SYNE2: variants seen among roughly 807,000 people sequenced by gnomAD.
The protein encoded by SYNE2 is spectrin repeat containing nuclear envelope protein 2.
A neutral mutation model predicts 856.3 loss-of-function variants in SYNE2; 431 were observed. That is an observed-to-expected ratio of 0.50 (90% CI 0.47 to 0.55). The LOEUF (loss-of-function observed/expected upper bound fraction) is 0.55, where lower values mean the gene tolerates loss of function less well. SYNE2 is among the 20% of genes least tolerant of loss of function. SYNE2 has a pLI of 0.00. For synonymous variants in SYNE2, 2,923 were observed against 2,872.3 expected (o/e 1.02, Z -0.56); for missense variants, 8,129 against 8,023.2 (o/e 1.01, Z -0.50).
chr14:63,872,160 G>GT (rs1427936652), intron 1 of SYNE2, among the ~76,000 whole-genome samples: 2 of 152,158 alleles, frequency 1.3e-5, no homozygotes, highest in Non-Finnish European at 2.9e-5. Flanking sequence ...GCTTGGTGCG[G>GT]TGGCTCATGC....
chr14:64,076,066 A>C lies in SYNE2; in HGVS notation c.10988A>C (p.Glu3663Ala), dbSNP rs369298370. The C allele has an allele frequency of 2.7e-5, 43 of 1,613,794 alleles. No homozygotes were observed. The African/African-American group carries it at 4.4e-4, about 17-fold the overall frequency. The part of the protein sequence containing the change: ...VPAEIESQVE[E>A]CRKALEDIDE... ...GCAGAGATTGAATCCCAGGTGGAAG[A>C]ATGCAGAAAAGCTTTAGAAGACATA... Residue 3663 changes from glutamate (E) to alanine (A), a missense_variant, in exon 54 of 116, where the codon GAA becomes GCA. Glu to Ala is a moderately radical substitution (Grantham distance 107, BLOSUM62 -1). Around this residue, in one of 3 missense-constraint regions of SYNE2, gnomAD observed 5,410 missense variants for 5,284.8 expected, o/e 1.02. Coordinates refer to ENST00000555002, the MANE Select transcript of SYNE2 (RefSeq NM_182914.3).
intron 66 of SYNE2, among the ~76,000 whole-genome samples, chr14:64,117,487 G>T (rs145312630): frequency 1.0e-3 from 153 of 152,032 alleles, no homozygotes; most frequent in African/African-American, 3.5e-3. Context: ...TGTAGACTCA[G>T]GGTCTCACTG....
At chr14:63,875,023 A>AT (rs1421832932) in intron 1 of SYNE2, among the ~76,000 whole-genome samples, 1 of 152,000 alleles carries the variant, frequency 6.6e-6, no homozygotes, top group Non-Finnish European at 1.5e-5. Flanking sequence ...GATCACATGG[A>AT]TAAAAAAATT....
chr14:64,117,253 T>C (rs1311683821), intron 66 of SYNE2, among the ~76,000 whole-genome samples: 2 of 152,178 alleles, frequency 1.3e-5, no homozygotes, highest in Admixed American at 6.5e-5. Context: ...TAATGAGATA[T>C]CTTAGAGAGA....
At position 63,982,409 on chromosome 14, in the gene SYNE2, A is replaced by C. The variant is rs138665407; in HGVS notation, c.1837-221A>C. Among the ~76,000 whole-genome samples, 36 of 151,948 alleles carry C rather than the reference A, an allele frequency of 2.4e-4. No individual in the cohort carries two copies. In the East Asian group the frequency reaches 5.0e-3, roughly 21 times the overall value. ...GGATGGCAGACTCCTCTAAGGGGAA[A>C]GTCAGTCTCTGCAAAGAATGTTGCT... On this transcript the variant is annotated intron_variant, in intron 16 of 115. Transcript: ENST00000555002.
chr14:64,044,231 C>G (rs182217203), intron 45 of SYNE2, among the ~76,000 whole-genome samples: 1 of 152,100 alleles, frequency 6.6e-6, no homozygotes, highest in Non-Finnish European at 1.5e-5. Flanking sequence ...TAGAGTCAAA[C>G]GAGATCATTT....
At chr14:64,149,957 G>C (rs372205413) in intron 84 of SYNE2, among the ~76,000 whole-genome samples, 4 of 148,606 alleles carry the variant, frequency 2.7e-5, no homozygotes, top group Non-Finnish European at 5.9e-5. Flanking sequence ...CAACCCCACC[G>C]TGTGTGGTTG....
chr14:63,819,152 G>A (rs1383779124), intron 1 of SYNE2, among the ~76,000 whole-genome samples: 4 of 151,888 alleles, frequency 2.6e-5, no homozygotes. Context: ...AAAAAAGAAA[G>A]TTACTAGAAC....
chr14:64,018,481 A>G (rs1209504548), intron 34 of SYNE2, among the ~76,000 whole-genome samples: 1 of 152,140 alleles, frequency 6.6e-6, no homozygotes, highest in Non-Finnish European at 1.5e-5. Context: ...TGACCTCGTG[A>G]TCCGCCCACC....
Position 63,775,327 on chromosome 14 carries a change from T to C in SYNE2, c.-305+13341T>C, listed in dbSNP as rs187619475. ...TCTCACTCTGTTGCCCAGGCTGGAA[T>C]GCAGTGGTGTGATCTCGGCTCACTG... On this transcript the variant is annotated intron_variant, in intron 1 of 23. Transcript: ENST00000674003. 1.4e-4 allele frequency among the ~76,000 whole-genome samples: 22 copies of C among 152,216 alleles called. No homozygotes were observed. The East Asian group carries it at 4.2e-3, about 29-fold the overall frequency.
At chr14:63,814,201 C>T (rs1030277018) in intron 1 of SYNE2, among the ~76,000 whole-genome samples, 1 of 151,590 alleles carries the variant, frequency 6.6e-6, no homozygotes, top group African/African-American at 2.4e-5. Context: ...ACCCAGGCAG[C>T]AGAGGTTGCA....
Position 63,783,609 on chromosome 14 carries a change from C to CA in SYNE2, c.-305+21628dup, listed in dbSNP as rs1887409235. Among the ~76,000 whole-genome samples, 3 of 152,106 alleles carry CA rather than the reference C, an allele frequency of 2.0e-5. No homozygotes were observed. In the South Asian group the frequency reaches 6.2e-4, roughly 32 times the overall value. ...AGTATCACTTTTGTGGTATTCCTGC[C>CA]AAAAATGCATAACCTGAATCTAATT... is the stretch of plus-strand genomic sequence containing the variant. On this transcript the variant is annotated intron_variant, in intron 1 of 23. Coordinates refer to the SYNE2 transcript ENST00000674003.
chr14:64,082,016 G>A (rs2153613471), intron 57 of SYNE2, among the ~76,000 whole-genome samples: 1 of 152,058 alleles, frequency 6.6e-6, no homozygotes, highest in African/African-American at 2.4e-5. Context: ...AACCCAGGAG[G>A]CGGAGCTTGC....
chr14:64,189,897 G>A (rs1048968055), intron 98 of SYNE2, among the ~76,000 whole-genome samples, 174 bp from the exon 99 acceptor site: 1 of 152,068 alleles, frequency 6.6e-6, no homozygotes, highest in Admixed American at 6.5e-5. Flanking sequence ...TCCTGGACTA[G>A]AGTGATCCTC....
At chr14:63,785,489 A>T (rs1453985707) in intron 1 of SYNE2, among the ~76,000 whole-genome samples, 1 of 151,914 alleles carries the variant, frequency 6.6e-6, no homozygotes, top group East Asian at 1.9e-4. Flanking sequence ...AACAAAAAAA[A>T]CACCTGGCAC....
At chr14:63,982,519 C>CAAAA (rs71444636) in intron 16 of SYNE2, 111 bp from the exon 17 acceptor site, 106 of 716,072 alleles carry the variant, frequency 1.5e-4, no homozygotes, top group East Asian at 2.6e-4. Context: ...GACTCCATCT[C>CAAAA]AAAAAAAAAA....
intron 54 of SYNE2, among the ~76,000 whole-genome samples, chr14:64,076,579 A>T (rs1342011132): frequency 1.3e-5 from 2 of 152,158 alleles, no homozygotes; most frequent in African/African-American, 2.4e-5. Context: ...AAAGTACCTG[A>T]GCAAATCTTT....
intron 32 of SYNE2, 148 bp downstream of exon 32, chr14:64,010,264 T>A: frequency 1.1e-6 from 1 of 892,170 alleles, no homozygotes; most frequent in Non-Finnish European, 1.8e-6. Context: ...TAAAAATTTG[T>A]TGTATTCATC....
At chr14:63,940,527 A>G in intron 2 of SYNE2, 87 bp from the exon 3 acceptor site, 1 of 1,197,964 alleles carries the variant, frequency 8.3e-7, no homozygotes. Context: ...GCACACACCT[A>G]GCGTGACAGA....
Sources: allele counts gnomAD v4.1 joint callset (sites outside exome capture counted in the v4.1 genomes callset), GRCh38; gene constraint gnomAD v4.1.1; regional missense constraint gnomAD v4.1.1; transcripts MANE v1.5; gene names NCBI Gene and HGNC (gene_info 2026-07-23, HGNC 2026-07-21).